The following EML6 variants were observed in gnomAD, a reference collection of about 807,000 sequenced individuals.
EML6 encodes the protein echinoderm microtubule-associated protein-like 6.
EML6 carries 154 observed loss-of-function variants against 240.1 expected under a neutral mutation model. The ratio of observed to expected loss-of-function variants is 0.64; its 90% confidence interval spans 0.56 to 0.73. EML6 has a LOEUF of 0.73. EML6 is among the 30% of genes least tolerant of loss of function. EML6 has a pLI of 0.00. For synonymous variants in EML6, 1,148 were observed against 899.0 expected, an observed-to-expected ratio of 1.28 and a Z score of -4.95; for missense variants, 2,964 against 2,474.6, an observed-to-expected ratio of 1.20 and a Z score of -4.20.
chr2:54,907,489 A>G (rs1673387145), intron 24 of EML6, among the ~76,000 whole-genome samples: 2 of 152,232 alleles, frequency 1.3e-5, no homozygotes, highest in South Asian at 4.1e-4. Context: ...CCTGGGTAAC[A>G]GAGCGAGACT....
intron 2 of EML6, among the ~76,000 whole-genome samples, chr2:54,762,805 A>G (rs1356020414): frequency 1.3e-5 from 2 of 152,082 alleles, no homozygotes; most frequent in African/African-American, 4.8e-5. Context: ...ACTGGAATCA[A>G]TTTCTCCAAG....
At chr2:54,884,223 G>A (rs1671996430) in intron 17 of EML6, among the ~76,000 whole-genome samples, 1 of 148,188 alleles carries the variant, frequency 6.7e-6, no homozygotes, top group African/African-American at 2.5e-5. Context: ...CATTTGCCAG[G>A]TTATTACAAA....
chr2:54,847,841 G>A (rs2116491), intron 9 of EML6, among the ~76,000 whole-genome samples: 141,893 of 152,250 alleles, frequency 0.93, 66,224 homozygotes, highest in Middle Eastern at 0.99. Flanking sequence ...TAACCCAACA[G>A]ACTGATGTGA....
Position 54,950,772 on chromosome 2 carries a change from C to T in EML6, c.4206C>T (p.Leu1402=). 6.5e-7 allele frequency: 1 copy of T among 1,550,216 alleles called. No homozygotes were observed. Among genetic ancestry groups the T allele is most frequent in the Non-Finnish European group, 8.7e-7 (1 of 1,146,606 alleles). ...CAGCGGCTGGCATCGTTCAGAACCT[C>T]TCCACAGGTAACCGGGGGTTAAAAA... ...HTAAAGIVQN[L]STGSQSFYLE... Residue 1402 remains leucine (L), a synonymous_variant, in exon 30 of 42, where the codon CTC becomes CTT. Coordinates refer to ENST00000356458, the MANE Select transcript of EML6 (RefSeq NM_001039753.4).
At chr2:54,741,515 C>G (rs985027248) in intron 2 of EML6, among the ~76,000 whole-genome samples, 6 of 152,146 alleles carry the variant, frequency 3.9e-5, no homozygotes, top group African/African-American at 1.4e-4. Flanking sequence ...AGTGACACAT[C>G]AGCACCAGAA....
intron 9 of EML6, 118 bp downstream of exon 9, chr2:54,847,741 AATAC>A: frequency 3.9e-6 from 4 of 1,036,728 alleles, no homozygotes; most frequent in Non-Finnish European, 5.5e-6. Flanking sequence ...TTCAAATAGG[AATAC>A]TATAGATCTA....
chr2:54,863,456 G>A (rs1670790767), intron 12 of EML6, among the ~76,000 whole-genome samples: 1 of 152,170 alleles, frequency 6.6e-6, no homozygotes, highest in Non-Finnish European at 1.5e-5. Context: ...CGGAGGAGGA[G>A]GTTGTAGTGA....
chr2:54,931,889 A>C (rs1674884089), intron 28 of EML6, among the ~76,000 whole-genome samples: 1 of 152,232 alleles, frequency 6.6e-6, no homozygotes, highest in African/African-American at 2.4e-5. Context: ...TGTCGTACTG[A>C]GAAAAATGCC....
chr2:54,932,398 C>T (rs1270534922), intron 28 of EML6, among the ~76,000 whole-genome samples: 1 of 152,198 alleles, frequency 6.6e-6, no homozygotes, highest in East Asian at 1.9e-4. Context: ...CTTATCTGGG[C>T]ACTCAGGGCT....
intron 26 of EML6, among the ~76,000 whole-genome samples, chr2:54,927,250 C>G (rs1225702596): frequency 2.0e-5 from 3 of 152,180 alleles, no homozygotes; most frequent in African/African-American, 7.2e-5. Context: ...TAGTAGTTGG[C>G]CAAATACAGG....
intron 33 of EML6, 104 bp from the exon 34 acceptor site, chr2:54,959,000 G>T (rs765999003): frequency 2.0e-4 from 216 of 1,095,222 alleles, no homozygotes; most frequent in Non-Finnish European, 2.7e-4. Flanking sequence ...AACTGCCTAG[G>T]CTGTCTGCAT....
intron 18 of EML6, among the ~76,000 whole-genome samples, 196 bp from the exon 19 acceptor site, chr2:54,892,258 C>G (rs984732729): frequency 1.5e-4 from 23 of 152,182 alleles, no homozygotes; most frequent in African/African-American, 5.3e-4. Context: ...TGTAGGGATT[C>G]AGTAAACACT....
chr2:54,812,205 C>T (rs1252317033), intron 2 of EML6, among the ~76,000 whole-genome samples: 5 of 151,850 alleles, frequency 3.3e-5, no homozygotes, highest in Non-Finnish European at 4.4e-5. Context: ...GATGAGGAAA[C>T]TGAGGCAAAA....
intron 25 of EML6, 97 bp from the exon 26 acceptor site, chr2:54,916,662 G>A: frequency 1.0e-6 from 1 of 978,068 alleles, no homozygotes; most frequent in Non-Finnish European, 1.4e-6. Context: ...GCCTAACGTT[G>A]GCAAAGTAAT....
chr2:54,884,577 CAAG>C (rs1188127668), intron 17 of EML6, among the ~76,000 whole-genome samples: 2 of 152,138 alleles, frequency 1.3e-5, no homozygotes. Context: ...CATGAGCATA[CAAG>C]AAGACCTCCA....
At position 54,911,943 on chromosome 2, in the gene EML6, G is replaced by T. The variant is rs1573127099; in HGVS notation, c.3498+901G>T. 2.0e-5 allele frequency among the ~76,000 whole-genome samples: 3 copies of T among 152,178 alleles called. No individual in the cohort carries two copies. The East Asian group carries it at 5.8e-4, about 29-fold the overall frequency. ...CTTTTGTAGATGCGTACCTCTTTCA[G>T]GGTGTACACATAATGAGCCCTGGTC... On this transcript the variant is annotated intron_variant, in intron 25 of 41. Coordinates refer to ENST00000356458, the MANE Select transcript of EML6 (RefSeq NM_001039753.4).
chr2:54,782,855 G>A lies in EML6; in HGVS notation c.198-30377G>A, dbSNP rs528626320. Among the ~76,000 whole-genome samples, 4 of 152,232 alleles carry A rather than the reference G, an allele frequency of 2.6e-5. No homozygotes were observed. In the East Asian group the frequency reaches 7.7e-4, roughly 29 times the overall value. ...AGACCTGTGCCACCACTTGCCTACC[G>A]TGTAACCTATGGTGAAAACCAGGCG... On this transcript the variant is annotated intron_variant, in intron 2 of 41. Coordinates refer to ENST00000356458, the MANE Select transcript of EML6 (RefSeq NM_001039753.4).
chr2:54,807,192 A>C (rs1245282271), intron 2 of EML6, among the ~76,000 whole-genome samples: 1 of 152,162 alleles, frequency 6.6e-6, no homozygotes, highest in Non-Finnish European at 1.5e-5. Flanking sequence ...AAATCAAATG[A>C]GGAATAAATT....
intron 26 of EML6, among the ~76,000 whole-genome samples, chr2:54,918,038 A>T (rs1485594489): frequency 1.3e-5 from 2 of 152,240 alleles, no homozygotes; most frequent in Admixed American, 1.3e-4. Flanking sequence ...ATTGAATCAT[A>T]GACGTCAATC....
Sources: gnomAD v4.1 joint callset for allele counts (sites outside exome capture counted in the v4.1 genomes callset) on GRCh38, gnomAD v4.1.1 for gene constraint, MANE v1.5 for transcripts, NCBI Gene and HGNC (gene_info 2026-07-23, HGNC 2026-07-21) for gene names.